NAALADL2: variants seen among roughly 807,000 people sequenced by gnomAD.
The protein encoded by NAALADL2 is inactive N-acetylated-alpha-linked acidic dipeptidase-like protein 2.
Under a neutral mutation model 87.2 loss-of-function variants are expected in NAALADL2, and 76 were observed. The observed-to-expected ratio is 0.87, with a 90% CI of 0.72 to 1.05. The LOEUF is 1.05. Among genes scored for constraint, NAALADL2 ranks in the 50% least tolerant of loss-of-function variants. The probability of loss-of-function intolerance (pLI) is 0.00; values close to 1 mark genes in which losing one functional copy is unlikely to be tolerated. For missense variants in NAALADL2, 1,089 were observed against 945.8 expected (o/e 1.15, Z -1.99); for synonymous variants, 354 against 331.0 (o/e 1.07, Z -0.75).
chr3:175,300,263 G>A (rs191656665), intron 4 of NAALADL2, among the ~76,000 whole-genome samples: 7 of 152,192 alleles, frequency 4.6e-5, no homozygotes, highest in African/African-American at 1.4e-4. Context: ...TTGTTGTTGT[G>A]TCTCTGCTAG....
chr3:175,538,137 C>T (rs577929696), intron 9 of NAALADL2, among the ~76,000 whole-genome samples: 1 of 152,032 alleles, frequency 6.6e-6, no homozygotes, highest in African/African-American at 2.4e-5. Context: ...GACAGTAGTC[C>T]AGAGAAATTT....
chr3:175,482,544 A>G (rs1353188956), intron 9 of NAALADL2, among the ~76,000 whole-genome samples: 1 of 151,954 alleles, frequency 6.6e-6, no homozygotes, highest in East Asian at 1.9e-4. Context: ...TATCATTTGT[A>G]TATGTTCAGA....
rs148808341 is a variant in NAALADL2, at chr3:175,139,098, G to A, written c.545+41807G>A. The stretch of plus-strand genomic sequence containing the variant: ...AACACAAGTAGAACTCTTACCCTCT[G>A]ACACTCAGGAATATTCTGTTTGAAA... On this transcript the variant is annotated intron_variant, in intron 2 of 13. Transcript: ENST00000454872. Among the ~76,000 whole-genome samples the A allele has an allele frequency of 7.5e-3, 1,129 of 151,222 alleles. 14 individuals carry two copies. Among genetic ancestry groups the A allele is most frequent in the African/African-American group, 0.023 (956 of 41,214 alleles).
intron 1 of NAALADL2, among the ~76,000 whole-genome samples, chr3:175,067,193 T>A (rs965320730): frequency 2.2e-4 from 33 of 152,146 alleles, no homozygotes; most frequent in African/African-American, 7.9e-4. Context: ...GGGAAAGAAT[T>A]TATGACTAAG....
intron 2 of NAALADL2, among the ~76,000 whole-genome samples, chr3:175,168,083 TG>T (rs1734243018): frequency 6.6e-6 from 1 of 151,954 alleles, no homozygotes; most frequent in African/African-American, 2.4e-5. Context: ...TTATTATTTT[TG>T]GTATATGTGG....
chr3:174,897,852 G>A (rs1202526252), intron 1 of NAALADL2, among the ~76,000 whole-genome samples: 2 of 149,968 alleles, frequency 1.3e-5, no homozygotes, highest in African/African-American at 5.1e-5. Flanking sequence ...GGTGGCTCAC[G>A]CCTGTAATCC....
At chr3:174,521,571 CAAAAAAAAAAAAAA>C (rs58465181) in intron 1 of NAALADL2, among the ~76,000 whole-genome samples, 1 of 56,190 alleles carries the variant, frequency 1.8e-5, no homozygotes, top group African/African-American at 7.2e-5. Flanking sequence ...GACCCTGTCT[CAAAAAAAAAAAAAA>C]AAAAAAAAAA....
intron 1 of NAALADL2, among the ~76,000 whole-genome samples, chr3:174,495,759 AAT>A (rs1553773637): frequency 1.3e-5 from 2 of 150,766 alleles, no homozygotes; most frequent in African/African-American, 4.9e-5. Context: ...TGATAGCAAA[AAT>A]GAAAAAAATA....
chr3:174,942,764 C>G (rs1230119940), intron 1 of NAALADL2, among the ~76,000 whole-genome samples: 1 of 151,986 alleles, frequency 6.6e-6, no homozygotes, highest in East Asian at 1.9e-4. Flanking sequence ...AAATTTTGGT[C>G]TGTCTTATTT....
chr3:175,085,064 T>C (rs1718621338), intron 1 of NAALADL2, among the ~76,000 whole-genome samples: 1 of 152,182 alleles, frequency 6.6e-6, no homozygotes, highest in Non-Finnish European at 1.5e-5. Context: ...TTGGGGAAGT[T>C]GAGTTATGTT....
chr3:175,471,802 C>A, intron 9 of NAALADL2, 44 bp downstream of exon 9: 1 of 1,502,876 alleles, frequency 6.7e-7, no homozygotes, highest in Non-Finnish European at 9.0e-7. Flanking sequence ...GCAAAACCGA[C>A]CTTTTCTCTA....
chr3:175,741,585 GTTTTT>G (rs762745438), intron 12 of NAALADL2, among the ~76,000 whole-genome samples: 1 of 146,252 alleles, frequency 6.8e-6, no homozygotes, highest in East Asian at 2.0e-4. Context: ...TAAAATAGCT[GTTTTT>G]TTTTTAGGAG....
intron 4 of NAALADL2, among the ~76,000 whole-genome samples, chr3:175,258,273 A>C (rs1004432841): frequency 7.2e-6 from 1 of 139,174 alleles, no homozygotes. Context: ...ACGCCACTGC[A>C]CTCCAGCCTG....
At chr3:174,969,279 A>G (rs76731419) in intron 1 of NAALADL2, among the ~76,000 whole-genome samples, 1 of 152,144 alleles carries the variant, frequency 6.6e-6, no homozygotes, top group East Asian at 1.9e-4. Context: ...GTCTTTTCTG[A>G]TCTCCTAGAT....
chr3:174,744,294 A>C (rs980434634), intron 3 of NAALADL2, among the ~76,000 whole-genome samples: 2 of 151,862 alleles, frequency 1.3e-5, no homozygotes, highest in African/African-American at 4.8e-5. Flanking sequence ...CTTATGTCAG[A>C]GTGATGTGAT....
At chr3:175,510,861 C>T (rs1275835935) in intron 9 of NAALADL2, among the ~76,000 whole-genome samples, 1 of 152,092 alleles carries the variant, frequency 6.6e-6, no homozygotes, top group Non-Finnish European at 1.5e-5. Context: ...AACTACCTAC[C>T]TCAAAGGTCC....
chr3:174,902,517 C>T (rs1322108811), intron 1 of NAALADL2, among the ~76,000 whole-genome samples: 1 of 151,678 alleles, frequency 6.6e-6, no homozygotes, highest in Non-Finnish European at 1.5e-5. Context: ...AAAAGACAAT[C>T]GCGTGATTAA....
At chr3:175,639,130 C>T (rs1243352374) in intron 11 of NAALADL2, among the ~76,000 whole-genome samples, 1 of 151,982 alleles carries the variant, frequency 6.6e-6, no homozygotes, top group Admixed American at 6.6e-5. Context: ...TCAGTGACGC[C>T]ATAAAGCATC....
Position 175,469,604 on chromosome 3 carries a change from G to T in NAALADL2, c.1534-2035G>T, listed in dbSNP as rs573971163. 1.1e-3 allele frequency among the ~76,000 whole-genome samples: 168 copies of T among 152,080 alleles called. 1 individual carries two copies. The highest frequency in any genetic ancestry group is 3.8e-3 in the African/African-American group (159 of 41,550). ...AAAATTATAACATTTTGCTAAATAG[G>T]TTCTATACTTTAAAAAGTACCATTT... On this transcript the variant is annotated intron_variant, in intron 8 of 13. Coordinates refer to ENST00000454872, the MANE Select transcript of NAALADL2 (RefSeq NM_207015.3).
Sources: gnomAD v4.1 joint callset for allele counts (sites outside exome capture counted in the v4.1 genomes callset) on GRCh38, gnomAD v4.1.1 for gene constraint, MANE v1.5 for transcripts, NCBI Gene and HGNC (gene_info 2026-07-23, HGNC 2026-07-21) for gene names.